CNTN1: variants seen among roughly 807,000 people sequenced by gnomAD.
The protein encoded by CNTN1 is contactin 1.
Under a neutral mutation model 126.4 loss-of-function variants are expected in CNTN1, and 38 were observed. That is an observed-to-expected ratio of 0.30 (90% CI 0.23 to 0.39). The LOEUF (loss-of-function observed/expected upper bound fraction) is 0.39, where lower values mean the gene tolerates loss of function less well. Among genes scored for constraint, CNTN1 ranks in the 10% least tolerant of loss-of-function variants. The pLI, the probability that CNTN1 is intolerant of heterozygous loss-of-function variation, is 1.00. For synonymous variants in CNTN1, 413 were observed against 422.6 expected (o/e 0.98, Z 0.28); for missense variants, 1,009 against 1,248.4 (o/e 0.81, Z 2.89).
At chr12:40,759,220 T>C (rs1029066485) in intron 1 of CNTN1, among the ~76,000 whole-genome samples, 3 of 152,010 alleles carry the variant, frequency 2.0e-5, no homozygotes, top group East Asian at 1.9e-4. Flanking sequence ...TCAGGTTTTA[T>C]AGCAAAAGTT....
chr12:40,732,868 A>C (rs1942533897), intron 1 of CNTN1, among the ~76,000 whole-genome samples: 1 of 152,104 alleles, frequency 6.6e-6, no homozygotes, highest in African/African-American at 2.4e-5. Flanking sequence ...TTTTGCCTAC[A>C]TAATATTAAT....
In CNTN1 at chr12:40,929,994, T is replaced by A. The variant is rs763560467; in HGVS notation, c.695T>A (p.Ile232Lys). The change falls in exon 7 of 24, where the codon ATA becomes AAA. Residue 232 changes from isoleucine to lysine, a missense_variant. Coordinates refer to ENST00000551295, the MANE Select transcript of CNTN1 (RefSeq NM_001843.4). The part of the protein sequence containing the change: ...VFSKFIPLIP[I>K]PERTTKPYPA... ...AGCAAATTCATCCCACTCATTCCAA[T>A]ACCTGAACGTAAGTATTTTATTTGT... is the stretch of plus-strand genomic sequence containing the variant. 1 of 1,605,860 alleles carries A rather than the reference T, an allele frequency of 6.2e-7. No individual in the cohort carries two copies. Among genetic ancestry groups the A allele is most frequent in the Non-Finnish European group, 8.5e-7 (1 of 1,172,820 alleles).
chr12:41,011,323 G>A (rs1296309277), intron 17 of CNTN1, among the ~76,000 whole-genome samples: 5 of 152,174 alleles, frequency 3.3e-5, no homozygotes, highest in Admixed American at 2.6e-4. Context: ...CCATGCCCTT[G>A]TGCAAAAGAA....
intron 15 of CNTN1, among the ~76,000 whole-genome samples, chr12:40,969,079 G>C (rs905590242): frequency 6.6e-5 from 10 of 152,080 alleles, no homozygotes; most frequent in African/African-American, 2.4e-4. Context: ...TAGCCTCATT[G>C]CTGAAAATAT....
intron 23 of CNTN1, among the ~76,000 whole-genome samples, chr12:41,034,174 T>A (rs1324939242): frequency 6.6e-6 from 1 of 152,242 alleles, no homozygotes; most frequent in Non-Finnish European, 1.5e-5. Context: ...AAAGTTACTA[T>A]ATATTCATTT....
chr12:41,037,700 A>G (rs1429338452), intron 23 of CNTN1, among the ~76,000 whole-genome samples: 4 of 150,446 alleles, frequency 2.7e-5, no homozygotes, highest in Non-Finnish European at 5.9e-5. Context: ...ACACACACAC[A>G]CATATTTATA....
rs1314917238 is a variant in CNTN1, at chr12:40,717,283, C to A, written c.-77+24691C>A. Among the ~76,000 whole-genome samples the A allele has an allele frequency of 2.6e-5, 4 of 152,046 alleles. No individual in the cohort carries two copies. The East Asian group carries it at 7.7e-4, about 29-fold the overall frequency. ...CCTCTGTATAGAAGCTGTTGTTTTA[C>A]CTAAATGTATATATAAATAAGAAAA... On this transcript the variant is annotated intron_variant, in intron 1 of 23. Coordinates refer to ENST00000551295, the MANE Select transcript of CNTN1 (RefSeq NM_001843.4).
chr12:40,862,956 T>C lies in CNTN1; in HGVS notation c.-76-45401T>C, dbSNP rs186150540. Among the ~76,000 whole-genome samples, 4 of 152,332 alleles carry C rather than the reference T, an allele frequency of 2.6e-5. No individual in the cohort carries two copies. In the East Asian group the frequency reaches 5.8e-4, roughly 22 times the overall value. On this transcript the variant is annotated intron_variant, in intron 1 of 23. Coordinates refer to ENST00000551295, the MANE Select transcript of CNTN1 (RefSeq NM_001843.4). ...AGCATTTTTATATTTATTAAATATT[T>C]ACATCTTTTCTCTACCTTATTAAAT...
chr12:41,064,810 GAC>G (rs1174890005), intron 23 of CNTN1, among the ~76,000 whole-genome samples: 3 of 133,534 alleles, frequency 2.2e-5, no homozygotes, highest in Non-Finnish European at 4.8e-5. Context: ...GATGCCATGA[GAC>G]ATATTATTAT....
At chr12:40,802,982 C>T (rs74076647) in intron 1 of CNTN1, among the ~76,000 whole-genome samples, 441 of 152,068 alleles carry the variant, frequency 2.9e-3, no homozygotes, top group African/African-American at 0.01. Flanking sequence ...TGTTTCGAAT[C>T]CTGTCAAAAT....
intron 1 of CNTN1, among the ~76,000 whole-genome samples, chr12:40,790,492 C>T (rs561282658): frequency 5.9e-5 from 9 of 152,214 alleles, no homozygotes; most frequent in East Asian, 3.9e-4. Context: ...ATTTTCTCTG[C>T]GCATCACTAT....
intron 16 of CNTN1, among the ~76,000 whole-genome samples, chr12:40,987,380 T>A (rs1321394653): frequency 6.6e-6 from 1 of 152,214 alleles, no homozygotes; most frequent in East Asian, 1.9e-4. Flanking sequence ...GGACTGTTTT[T>A]AGCAGATGGA....
chr12:41,025,502 T>C (rs1275308627), intron 21 of CNTN1, among the ~76,000 whole-genome samples, 166 bp downstream of exon 21: 1 of 152,196 alleles, frequency 6.6e-6, no homozygotes, highest in Non-Finnish European at 1.5e-5. Context: ...TTGTAGATGA[T>C]GAAAAAATGT....
At chr12:41,041,124 AG>A (rs1262653994) in intron 23 of CNTN1, among the ~76,000 whole-genome samples, 4 of 151,470 alleles carry the variant, frequency 2.6e-5, no homozygotes, top group East Asian at 1.9e-4. Flanking sequence ...TTTAGCATGA[AG>A]GGTTGTTGAA....
intron 19 of CNTN1, among the ~76,000 whole-genome samples, chr12:41,018,955 G>A (rs866823074): frequency 2.6e-5 from 4 of 152,010 alleles, no homozygotes; most frequent in African/African-American, 7.2e-5. Flanking sequence ...TCAGGAGTTC[G>A]AGACTAGCCT....
chr12:40,757,231 G>T (rs1938647155), intron 1 of CNTN1, among the ~76,000 whole-genome samples: 4 of 151,870 alleles, frequency 2.6e-5, no homozygotes, highest in African/African-American at 4.8e-5. Context: ...TTTTCCAAAG[G>T]CCCCACCTCC....
intron 1 of CNTN1, among the ~76,000 whole-genome samples, chr12:40,749,832 G>A (rs1018720762): frequency 1.3e-5 from 2 of 152,102 alleles, no homozygotes; most frequent in Admixed American, 6.6e-5. Context: ...AGCGGTGTGA[G>A]GGGGAGAGCC....
chr12:40,832,354 C>T (rs1402841965), intron 1 of CNTN1, among the ~76,000 whole-genome samples: 1 of 152,112 alleles, frequency 6.6e-6, no homozygotes, highest in African/African-American at 2.4e-5. Flanking sequence ...GATATGGTAG[C>T]CCTTGTAATG....
chr12:40,780,559 T>C (rs1163876406), intron 1 of CNTN1, among the ~76,000 whole-genome samples: 1 of 151,772 alleles, frequency 6.6e-6, no homozygotes, highest in African/African-American at 2.4e-5. Context: ...TCTGATATTT[T>C]CATAGAGAGT....
Sources: gnomAD v4.1 joint callset for allele counts (sites outside exome capture counted in the v4.1 genomes callset) on GRCh38, gnomAD v4.1.1 for gene constraint, MANE v1.5 for transcripts, NCBI Gene and HGNC (gene_info 2026-07-23, HGNC 2026-07-21) for gene names.